The following SOX6 variants were observed in gnomAD, a reference collection of about 807,000 sequenced individuals.
SOX6 encodes the protein SRY-box transcription factor 6, also known as transcription factor SOX-6.
SOX6 carries 11 observed loss-of-function variants against 97.8 expected under a neutral mutation model. That is an observed-to-expected ratio of 0.11 (90% confidence interval 0.07 to 0.19). The LOEUF (loss-of-function observed/expected upper bound fraction) is 0.19. Ranked by LOEUF, SOX6 falls within the 10% of genes least tolerant of loss-of-function variation. The pLI is 1.00. For missense variants in SOX6, 810 were observed against 1,039.5 expected (o/e 0.78, Z 3.04); for synonymous variants, 360 against 371.4 (o/e 0.97, Z 0.35).
intron 13 of SOX6, among the ~76,000 whole-genome samples, chr11:15,994,759 G>C (rs1454569027): frequency 1.3e-5 from 2 of 152,122 alleles, no homozygotes; most frequent in South Asian, 2.1e-4. Context: ...TGGCGCAAAA[G>C]GTTCTATTAT....
At chr11:16,239,099 T>C (rs189688644) in intron 3 of SOX6, among the ~76,000 whole-genome samples, 1 of 152,218 alleles carries the variant, frequency 6.6e-6, no homozygotes, top group Non-Finnish European at 1.5e-5. Flanking sequence ...ACATGCCAGT[T>C]ACTGTACATT....
chr11:16,394,652 C>T (rs1858291413), intron 1 of SOX6, among the ~76,000 whole-genome samples: 1 of 151,902 alleles, frequency 6.6e-6, no homozygotes, highest in Admixed American at 6.6e-5. Flanking sequence ...CAACTGGCAA[C>T]ACTATGAATA....
intron 2 of SOX6, among the ~76,000 whole-genome samples, chr11:16,725,791 A>T (rs986629235): frequency 6.6e-6 from 1 of 152,224 alleles, no homozygotes; most frequent in Admixed American, 6.5e-5. Flanking sequence ...AATGTTAGGA[A>T]AATTAAGTGT....
At chr11:16,647,814 T>C (rs1436676388) in intron 3 of SOX6, among the ~76,000 whole-genome samples, 1 of 152,016 alleles carries the variant, frequency 6.6e-6, no homozygotes, top group African/African-American at 2.4e-5. Context: ...ATGAAAAATA[T>C]AAAAATAGAA....
At chr11:16,219,959 A>G (rs1852490590) in intron 4 of SOX6, among the ~76,000 whole-genome samples, 1 of 152,114 alleles carries the variant, frequency 6.6e-6, no homozygotes. Flanking sequence ...CCAGCTATGT[A>G]TAAATATTAT....
At chr11:16,686,228 C>G (rs1268519109) in intron 3 of SOX6, among the ~76,000 whole-genome samples, 5 of 152,258 alleles carry the variant, frequency 3.3e-5, no homozygotes, top group African/African-American at 1.2e-4. Flanking sequence ...ATATCTCTAG[C>G]AAGTGGTTGA....
At chr11:16,072,940 A>T (rs184506542) in intron 9 of SOX6, among the ~76,000 whole-genome samples, 37 of 152,324 alleles carry the variant, frequency 2.4e-4, no homozygotes, top group African/African-American at 8.7e-4. Flanking sequence ...AGAGGCCCTT[A>T]AGGGAGTGCT....
At chr11:16,524,506 C>G (rs1458947127) in intron 4 of SOX6, among the ~76,000 whole-genome samples, 2 of 151,832 alleles carry the variant, frequency 1.3e-5, no homozygotes, top group Non-Finnish European at 2.9e-5. Flanking sequence ...CTATCTATGA[C>G]AAACCCACAG....
At position 16,139,209 on chromosome 11, in the gene SOX6, A is replaced by G. The variant is rs557191710; in HGVS notation, c.778-27286T>C. ...CACTATCGTGTTACACTTTTTTTCT[A>G]CATTTTCCTAAGTACTGTGTGGGGA... On this transcript the variant is annotated intron_variant, in intron 6 of 15. Coordinates refer to ENST00000683767, the MANE Select transcript of SOX6 (RefSeq NM_001367873.1). 5.9e-5 allele frequency among the ~76,000 whole-genome samples: 9 copies of G among 152,036 alleles called. No homozygotes were observed. The East Asian group carries it at 1.4e-3, about 23-fold the overall frequency.
At chr11:16,422,867 C>T (rs772753314) in intron 1 of SOX6, among the ~76,000 whole-genome samples, 5 of 152,160 alleles carry the variant, frequency 3.3e-5, no homozygotes, top group East Asian at 1.9e-4. Flanking sequence ...TCTGCTGCTA[C>T]GACTCTAGTC....
At chr11:16,627,778 C>A (rs548022401) in intron 3 of SOX6, among the ~76,000 whole-genome samples, 1 of 152,268 alleles carries the variant, frequency 6.6e-6, no homozygotes, top group African/African-American at 2.4e-5. Flanking sequence ...GTTTATTTTG[C>A]ATGCAGAAGC....
chr11:16,554,335 G>C (rs1459686028), intron 4 of SOX6, among the ~76,000 whole-genome samples: 1 of 152,066 alleles, frequency 6.6e-6, no homozygotes, highest in African/African-American at 2.4e-5. Context: ...AATCACAACA[G>C]AATGACCTGG....
intron 3 of SOX6, among the ~76,000 whole-genome samples, chr11:16,676,518 C>T (rs899391808): frequency 5.9e-5 from 9 of 152,262 alleles, no homozygotes; most frequent in African/African-American, 2.2e-4. Flanking sequence ...TGTGAAATCT[C>T]TGGAAATCAG....
intron 3 of SOX6, among the ~76,000 whole-genome samples, chr11:16,703,678 T>C (rs1305136589): frequency 2.0e-5 from 3 of 152,180 alleles, no homozygotes; most frequent in Non-Finnish European, 4.4e-5. Context: ...TTTGTGCTTT[T>C]GTGTTTGTTA....
At chr11:16,063,534 A>G (rs1347308212) in intron 9 of SOX6, among the ~76,000 whole-genome samples, 1 of 89,052 alleles carries the variant, frequency 1.1e-5, no homozygotes, top group Non-Finnish European at 2.2e-5. Flanking sequence ...ATATATATAT[A>G]TATATATATA....
intron 4 of SOX6, among the ~76,000 whole-genome samples, chr11:16,531,181 G>C (rs1408971038): frequency 6.6e-6 from 1 of 150,604 alleles, no homozygotes; most frequent in Non-Finnish European, 1.5e-5. Flanking sequence ...GAGAAAGAGA[G>C]AAAGGAAAAA....
intron 2 of SOX6, among the ~76,000 whole-genome samples, chr11:16,331,089 G>A (rs1414577585): frequency 6.6e-6 from 1 of 152,110 alleles, no homozygotes; most frequent in Non-Finnish European, 1.5e-5. Flanking sequence ...CCTCTTAAGA[G>A]GTAACCACTT....
intron 3 of SOX6, among the ~76,000 whole-genome samples, chr11:16,671,498 T>C (rs1847847177): frequency 6.6e-6 from 1 of 151,920 alleles, no homozygotes; most frequent in South Asian, 2.1e-4. Context: ...TATTTCACAA[T>C]ACGATTATAA....
At chr11:16,500,145 G>T (rs968969577) in intron 4 of SOX6, among the ~76,000 whole-genome samples, 5 of 152,186 alleles carry the variant, frequency 3.3e-5, no homozygotes, top group Non-Finnish European at 5.9e-5. Context: ...GGGATGCAAG[G>T]CTGGTTCAAC....
Sources: allele counts gnomAD v4.1 joint callset (sites outside exome capture counted in the v4.1 genomes callset), GRCh38; gene constraint gnomAD v4.1.1; transcripts MANE v1.5; gene names NCBI Gene and HGNC (gene_info 2026-07-23, HGNC 2026-07-21).